SYNE2: variants seen among roughly 807,000 people sequenced by gnomAD.
SYNE2 encodes the protein nesprin-2.
In SYNE2, 431 loss-of-function variants were observed where a neutral mutation model predicts 856.3. That is an observed-to-expected ratio of 0.50 (90% CI 0.47 to 0.55). SYNE2 has a LOEUF of 0.55. Among genes scored for constraint, SYNE2 ranks in the 20% least tolerant of loss-of-function variants. The pLI is 0.00. For synonymous variants in SYNE2, 2,923 were observed against 2,872.3 expected (o/e 1.02, Z -0.56); for missense variants, 8,129 against 8,023.2 (o/e 1.01, Z -0.50).
intron 1 of SYNE2, among the ~76,000 whole-genome samples, chr14:63,898,577 G>T (rs2095291373): frequency 6.7e-6 from 1 of 150,068 alleles, no homozygotes; most frequent in South Asian, 2.1e-4. Context: ...GTTAATTTTT[G>T]TTTTTTTTTG....
chr14:63,983,402 A>C (rs1255900), intron 17 of SYNE2, among the ~76,000 whole-genome samples: 8 of 152,032 alleles, frequency 5.3e-5, no homozygotes, highest in African/African-American at 1.9e-4. Context: ...TTTACTGTAG[A>C]GCTTTCTAGT....
At chr14:64,124,316 C>T (rs536420595) in intron 70 of SYNE2, among the ~76,000 whole-genome samples, 7 of 151,964 alleles carry the variant, frequency 4.6e-5, no homozygotes, top group Admixed American at 2.6e-4. Flanking sequence ...CTCAGCCTTC[C>T]GAGTAGCTAG....
At chr14:63,887,498 G>A (rs1438782652) in intron 1 of SYNE2, among the ~76,000 whole-genome samples, 1 of 152,192 alleles carries the variant, frequency 6.6e-6, no homozygotes, top group Non-Finnish European at 1.5e-5. Flanking sequence ...GGCTGTGGAA[G>A]AGAGAGCCCA....
At chr14:64,190,870 G>C (rs1159820491) in intron 99 of SYNE2, 8 of 693,408 alleles carry the variant, frequency 1.2e-5, no homozygotes, top group Non-Finnish European at 2.1e-5. Context: ...CCAAAATGAT[G>C]ATGATGCCCA....
intron 62 of SYNE2, chr14:64,098,526 A>AG (rs1217853342): frequency 9.8e-6 from 6 of 609,992 alleles, no homozygotes; most frequent in African/African-American, 9.3e-5. Context: ...TCGTTTATGA[A>AG]GGGGCACAGG....
At chr14:64,197,213 T>C (rs2098544398) in intron 99 of SYNE2, 1 of 152,302 alleles carries the variant, frequency 6.6e-6, no homozygotes, top group Non-Finnish European at 1.5e-5. Context: ...AAATCACCGA[T>C]GAGATGGTGG....
chr14:64,218,611 C>G, intron 109 of SYNE2, 99 bp downstream of exon 109: 1 of 1,178,556 alleles, frequency 8.5e-7, no homozygotes, highest in Non-Finnish European at 1.2e-6. Context: ...CTATACGATT[C>G]GCCAGAACTG....
chr14:64,145,994 A>G, intron 83 of SYNE2, 74 bp from the exon 84 acceptor site: 1 of 1,117,392 alleles, frequency 8.9e-7, no homozygotes. Flanking sequence ...ATTGTTTTTT[A>G]AAAAATAACG....
intron 64 of SYNE2, 111 bp downstream of exon 64, chr14:64,102,153 G>C: frequency 1.3e-6 from 1 of 772,330 alleles, no homozygotes; most frequent in Non-Finnish European, 2.2e-6. Flanking sequence ...GACTCGCTCT[G>C]TCGCCCAGAC....
At chr14:63,845,473 A>G (rs1890198122) in intron 1 of SYNE2, among the ~76,000 whole-genome samples, 1 of 151,744 alleles carries the variant, frequency 6.6e-6, no homozygotes. Flanking sequence ...TTCTGTTTCA[A>G]TGGCTATACT....
chr14:64,169,742 C>T (rs1466995795), intron 93 of SYNE2, among the ~76,000 whole-genome samples: 2 of 152,088 alleles, frequency 1.3e-5, no homozygotes, highest in Non-Finnish European at 2.9e-5. Context: ...CATGACTTTC[C>T]CATAATAAAC....
Position 64,130,262 on chromosome 14 carries a change from A to G in SYNE2, c.14340+14A>G. The G allele has an allele frequency of 6.2e-7, 1 of 1,606,770 alleles. No homozygotes were observed. Among genetic ancestry groups the G allele is most frequent in the Non-Finnish European group, 8.5e-7 (1 of 1,175,928 alleles). ...GAAAATCACAAGGTGAGACAGACAC[A>G]TGGGTCGGGTGACCCCTTCATAGAC... On this transcript the variant is annotated intron_variant, in intron 76 of 115. Coordinates refer to ENST00000555002, the MANE Select transcript of SYNE2 (RefSeq NM_182914.3).
At chr14:64,155,828 C>T (rs1428318550) in intron 85 of SYNE2, among the ~76,000 whole-genome samples, 4 of 152,078 alleles carry the variant, frequency 2.6e-5, no homozygotes, top group Non-Finnish European at 2.9e-5. Context: ...TTCGGGAGGC[C>T]GAGATGGGAG....
chr14:63,805,339 T>C (rs1888317335), intron 1 of SYNE2, among the ~76,000 whole-genome samples: 2 of 152,250 alleles, frequency 1.3e-5, no homozygotes, highest in Admixed American at 1.3e-4. Context: ...TGATTCTTCC[T>C]ATCCATGAGC....
intron 12 of SYNE2, 58 bp downstream of exon 12, chr14:63,976,785 T>C: frequency 3.9e-6 from 6 of 1,555,470 alleles, no homozygotes; most frequent in Non-Finnish European, 5.3e-6. Flanking sequence ...GGATTGTTCT[T>C]GAGGAAGACT....
rs543321481 is a variant in SYNE2, at chr14:64,055,146, C to T, written c.9745-798C>T. On this transcript the variant is annotated intron_variant, in intron 48 of 115. Transcript: ENST00000555002. ...TGATGTACCTAAACTAAAGTTAGTG[C>T]AGAGAAATTAGTTTAAAAACATAAA... is the stretch of plus-strand genomic sequence containing the variant. Among the ~76,000 whole-genome samples, 4 of 152,176 alleles carry T rather than the reference C, an allele frequency of 2.6e-5. No individual in the cohort carries two copies. The South Asian group carries it at 8.3e-4, about 32-fold the overall frequency.
intron 43 of SYNE2, 84 bp from the exon 44 acceptor site, chr14:64,029,811 G>A: frequency 7.0e-7 from 1 of 1,430,910 alleles, no homozygotes; most frequent in Non-Finnish European, 9.7e-7. Flanking sequence ...TGGTAAACAA[G>A]TATTTATTAG....
rs1198777611 is a variant in SYNE2 at position 64,209,492 on chromosome 14, C to T, written c.18454C>T (p.Leu6152Phe). ...CGACTATTCTCGCTTTGAGGACTGG[C>T]TCAAGTCAGCTGAGAGGACGGCAGC... ...LDDYSRFEDW[L>F]KSAERTAACP... The change falls in exon 102 of 116, where the codon CTC (leucine) becomes TTC (phenylalanine). Residue 6152 changes from leucine to phenylalanine, a missense_variant. Transcript: ENST00000555002. 3 of 1,614,224 alleles carry T rather than the reference C, an allele frequency of 1.9e-6. No homozygotes were observed. The highest frequency in any genetic ancestry group is 8.5e-7 in the Non-Finnish European group (1 of 1,180,052).
intron 53 of SYNE2, chr14:64,075,557 T>C: frequency 4.1e-6 from 1 of 242,988 alleles, no homozygotes; most frequent in South Asian, 5.2e-5. Context: ...GAAGTAGAAA[T>C]AGCAACACGT....
Sources: allele counts gnomAD v4.1 joint callset (sites outside exome capture counted in the v4.1 genomes callset), GRCh38; gene constraint gnomAD v4.1.1; transcripts MANE v1.5; gene names NCBI Gene and HGNC (gene_info 2026-07-23, HGNC 2026-07-21).